FLRT1: variants seen among roughly 807,000 people sequenced by gnomAD.
The protein encoded by FLRT1 is fibronectin leucine rich transmembrane protein 1, also known as leucine-rich repeat transmembrane protein FLRT1.
Under a neutral mutation model 30.9 loss-of-function variants are expected in FLRT1, and 14 were observed. The observed-to-expected ratio is 0.45, with a 90% CI of 0.30 to 0.71. The LOEUF is 0.71. FLRT1 is among the 30% of genes least tolerant of loss of function. The probability of loss-of-function intolerance (pLI) is 0.08; values close to 1 mark genes in which losing one functional copy is unlikely to be tolerated. For missense variants in FLRT1, 737 were observed against 949.2 expected (o/e 0.78, Z 2.94); for synonymous variants, 368 against 430.4 (o/e 0.85, Z 1.80).
At chr11:64,101,654 G>A (rs1263884635) in intron 1 of FLRT1, among the ~76,000 whole-genome samples, 4 of 152,172 alleles carry the variant, frequency 2.6e-5, no homozygotes, top group East Asian at 1.9e-4. Flanking sequence ...GAAATCACGC[G>A]GGTGGTAATA....
rs1314977023 is a variant in FLRT1 at position 64,097,780 on chromosome 11, C to T, written c.-1037-5414C>T. 2.6e-5 allele frequency among the ~76,000 whole-genome samples: 4 copies of T among 152,184 alleles called. No individual in the cohort carries two copies. In the East Asian group the frequency reaches 7.7e-4, roughly 29 times the overall value. Reference sequence around the variant, plus strand: ...AATGGGGTGGGCCCATCTCACAGGGCAGAAGGCACAGCCTCCAGAGGCCTT... The same window carrying T: ...AATGGGGTGGGCCCATCTCACAGGGTAGAAGGCACAGCCTCCAGAGGCCTT... On this transcript the variant is annotated intron_variant, in intron 1 of 2. Coordinates refer to ENST00000682287, the MANE Select transcript of FLRT1 (RefSeq NM_013280.5).
At chr11:64,078,527 C>T (rs754707750) in intron 1 of FLRT1, among the ~76,000 whole-genome samples, 51 of 152,320 alleles carry the variant, frequency 3.3e-4, no homozygotes, top group Non-Finnish European at 5.9e-4. Context: ...GAGGGATACC[C>T]GGGAGGGGAG....
chr11:64,089,522 C>T (rs889808361), intron 1 of FLRT1, among the ~76,000 whole-genome samples: 4 of 152,222 alleles, frequency 2.6e-5, no homozygotes, highest in African/African-American at 9.7e-5. Context: ...CTCCAGCCTC[C>T]TCCTGTTATC....
chr11:64,076,468 G>A (rs1944203504), intron 1 of FLRT1, among the ~76,000 whole-genome samples: 1 of 152,094 alleles, frequency 6.6e-6, no homozygotes, highest in Non-Finnish European at 1.5e-5. Flanking sequence ...ATGGACGGAC[G>A]GACGAATGGA....
chr11:64,071,336 G>A (rs531918317), intron 1 of FLRT1, among the ~76,000 whole-genome samples: 151 of 152,144 alleles, frequency 9.9e-4, no homozygotes, highest in African/African-American at 3.4e-3. Context: ...CCAGACCTGC[G>A]GTCTCAATCT....
intron 1 of FLRT1, among the ~76,000 whole-genome samples, chr11:64,056,705 G>A (rs1943792836): frequency 1.3e-5 from 2 of 152,212 alleles, no homozygotes; most frequent in Admixed American, 1.3e-4. Flanking sequence ...GCACTCATAG[G>A]GGACAGCAGA....
chr11:64,078,972 G>A (rs12224583), intron 1 of FLRT1, among the ~76,000 whole-genome samples: 7,259 of 152,236 alleles, frequency 0.048, 423 homozygotes, highest in East Asian at 0.29. Context: ...GAGGTCTGTA[G>A]ACTCCGACAA....
chr11:64,080,708 C>A (rs563533435), intron 1 of FLRT1, among the ~76,000 whole-genome samples: 1 of 152,170 alleles, frequency 6.6e-6, no homozygotes, highest in Non-Finnish European at 1.5e-5. Context: ...GACCCAGGAC[C>A]GGGGAAGGAG....
chr11:64,107,080 C>T (rs978413684), intron 2 of FLRT1, among the ~76,000 whole-genome samples: 5 of 152,210 alleles, frequency 3.3e-5, no homozygotes, highest in South Asian at 2.1e-4. Context: ...GACAGAGTTT[C>T]GCCATGTTGA....
chr11:64,041,643 T>C lies in FLRT1; in HGVS notation c.-1038+5484T>C, dbSNP rs954567361. 2.0e-5 allele frequency among the ~76,000 whole-genome samples: 3 copies of C among 151,810 alleles called. No individual in the cohort carries two copies. The South Asian group carries it at 6.3e-4, about 32-fold the overall frequency. On this transcript the variant is annotated intron_variant, in intron 1 of 2. Coordinates refer to ENST00000682287, the MANE Select transcript of FLRT1 (RefSeq NM_013280.5). ...ACCGAATGACCGCCTCGGGAGCTGG[T>C]GTGGTGGCAGTGGAGGGTCCAGCCT...
intron 1 of FLRT1, among the ~76,000 whole-genome samples, chr11:64,100,667 G>T (rs559678284): frequency 6.6e-6 from 1 of 152,156 alleles, no homozygotes; most frequent in African/African-American, 2.4e-5. Context: ...ATCATTATGC[G>T]CCCACACAAG....
At chr11:64,076,876 G>C (rs983971308) in intron 1 of FLRT1, among the ~76,000 whole-genome samples, 5 of 152,350 alleles carry the variant, frequency 3.3e-5, no homozygotes, top group Middle Eastern at 3.4e-3. Flanking sequence ...GCCTTCCCAA[G>C]CTGCCACACT....
chr11:64,091,403 G>C (rs887328487), intron 1 of FLRT1, among the ~76,000 whole-genome samples: 1 of 151,918 alleles, frequency 6.6e-6, no homozygotes, highest in Non-Finnish European at 1.5e-5. Context: ...AGGGAGGTTG[G>C]GGGGCGGGTG....
chr11:64,101,701 G>A (rs1430882195), intron 1 of FLRT1, among the ~76,000 whole-genome samples: 1 of 152,190 alleles, frequency 6.6e-6, no homozygotes, highest in Non-Finnish European at 1.5e-5. Context: ...CCGCCCTCCC[G>A]CCGCGTGCAG....
In FLRT1 at chr11:64,067,730, G is replaced by T. The variant is rs183392551; in HGVS notation, c.-1038+31571G>T. Among the ~76,000 whole-genome samples the T allele has an allele frequency of 2.2e-4, 33 of 152,288 alleles. 1 individual carries two copies. In the East Asian group the frequency reaches 4.3e-3, roughly 20 times the overall value. On this transcript the variant is annotated intron_variant, in intron 1 of 2. Transcript: ENST00000682287. This position sits in a 1 kb window ranked among gnomAD's most constrained non-coding sequence, Gnocchi z 4.6. ...GCGGACACGCCCCTCGCGAGGCACCGCAGGCTGCCACCCCCAGCTTGTGAA... is the reference window on the plus strand; with the variant it reads ...GCGGACACGCCCCTCGCGAGGCACCTCAGGCTGCCACCCCCAGCTTGTGAA...
intron 1 of FLRT1, among the ~76,000 whole-genome samples, chr11:64,056,115 C>T (rs552812465): frequency 2.4e-3 from 363 of 152,268 alleles, no homozygotes; most frequent in African/African-American, 7.8e-3. Context: ...GCTCCACCCC[C>T]GGCAATAAGC....
intron 2 of FLRT1, among the ~76,000 whole-genome samples, chr11:64,105,191 C>T (rs991164074): frequency 2.6e-5 from 4 of 152,206 alleles, no homozygotes; most frequent in African/African-American, 9.7e-5. Context: ...ACAGCGGGGC[C>T]GCGAGCGTGC....
chr11:64,078,725 G>C (rs1357087671), intron 1 of FLRT1, among the ~76,000 whole-genome samples: 3 of 152,132 alleles, frequency 2.0e-5, no homozygotes. Flanking sequence ...TTTGCCCTCA[G>C]GGAGGGCACC....
At chr11:64,049,552 T>C (rs1343847571) in intron 1 of FLRT1, among the ~76,000 whole-genome samples, 1 of 152,230 alleles carries the variant, frequency 6.6e-6, no homozygotes, top group East Asian at 1.9e-4. Flanking sequence ...GGTCTTGGTC[T>C]CCGAGCTCAG....
Sources: gnomAD v4.1 joint callset for allele counts (sites outside exome capture counted in the v4.1 genomes callset) on GRCh38, gnomAD v4.1.1 for gene constraint, Gnocchi (gnomAD v3.1) non-coding constraint, MANE v1.5 for transcripts, NCBI Gene and HGNC (gene_info 2026-07-23, HGNC 2026-07-21) for gene names.